Variants in PCDHGA5 observed in about 807,000 individuals in gnomAD.
PCDHGA5 encodes the protein protocadherin gamma subfamily A, 5, also known as protocadherin gamma-A5.
A neutral mutation model predicts 56.7 loss-of-function variants in PCDHGA5; 36 were observed. The observed-to-expected ratio is 0.64, with a 90% CI of 0.49 to 0.84. The LOEUF (loss-of-function observed/expected upper bound fraction) is 0.84. Among genes scored for constraint, PCDHGA5 ranks in the 40% least tolerant of loss-of-function variants. The pLI, the probability that PCDHGA5 is intolerant of heterozygous loss-of-function variation, is 0.00. For missense variants in PCDHGA5, 1,305 were observed against 1,201.5 expected, an observed-to-expected ratio of 1.09 and a Z score of -1.27; for synonymous variants, 563 against 520.2, an observed-to-expected ratio of 1.08 and a Z score of -1.12.
At chr5:141,453,071 C>G (rs561248978) in intron 1 of PCDHGA5, among the ~76,000 whole-genome samples, 13 of 152,150 alleles carry the variant, frequency 8.5e-5, no homozygotes, top group South Asian at 2.1e-4. Flanking sequence ...TTTTGCCACA[C>G]TCTGGTTGAT....
chr5:141,447,954 C>T (rs927510517), intron 1 of PCDHGA5, among the ~76,000 whole-genome samples: 11 of 151,814 alleles, frequency 7.2e-5, no homozygotes, highest in Non-Finnish European at 1.2e-4. Flanking sequence ...GGCATGGTGG[C>T]GGACACCTAT....
chr5:141,460,961 ATGTGTGTG>A (rs35821115), intron 1 of PCDHGA5, among the ~76,000 whole-genome samples: 11 of 144,552 alleles, frequency 7.6e-5, no homozygotes, highest in South Asian at 2.2e-4. Context: ...GTATATATAT[ATGTGTGTG>A]TGTGTGTGTG....
At chr5:141,405,488 C>A in intron 1 of PCDHGA5, 1 of 895,936 alleles carries the variant, frequency 1.1e-6, no homozygotes, top group Non-Finnish European at 1.7e-6. Context: ...GGTGTGATCT[C>A]GGCTCATTGC....
Position 141,511,176 on chromosome 5 carries a change from T to C in PCDHGA5, c.*3T>C, listed in dbSNP as rs375508988. On this transcript the variant is annotated 3_prime_UTR_variant, in exon 4 of 4. Transcript: ENST00000518069. ...CGGGCAAGAAGGAGAAGAAGTAACA[T>C]GGAGGCCAGGCCAAGAGCCACAGGG... 198 of 1,614,046 alleles carry C rather than the reference T, an allele frequency of 1.2e-4. 1 individual carries two copies. The highest frequency in any genetic ancestry group is 6.5e-5 in the Non-Finnish European group (77 of 1,179,964).
chr5:141,398,369 G>A (rs889057054), intron 1 of PCDHGA5: 2 of 1,428,778 alleles, frequency 1.4e-6, no homozygotes, highest in African/African-American at 2.9e-5. Context: ...AGCGCAGAGA[G>A]CGGGGAGTTG....
At chr5:141,421,081 A>G (rs775366249) in intron 1 of PCDHGA5, 61 of 637,820 alleles carry the variant, frequency 9.6e-5, no homozygotes, top group Non-Finnish European at 1.4e-4. Flanking sequence ...ATGGATACTC[A>G]CAGATCCTGA....
At position 141,432,579 on chromosome 5, in the gene PCDHGA5, G is replaced by A. The variant is rs769224543; in HGVS notation, c.2422-62228G>A. 6.2e-7 allele frequency: 1 copy of A among 1,613,860 alleles called. No homozygotes were observed. Among genetic ancestry groups the A allele is most frequent in the Non-Finnish European group, 8.5e-7 (1 of 1,179,984 alleles). On this transcript the variant is annotated intron_variant, in intron 1 of 3. Transcript: ENST00000518069. The surrounding 1 kb of genome is among the most constrained non-coding windows in gnomAD (Gnocchi z 6.0). ...GGCCAGAACGCCTGGCTGTCCTACC[G>A]TCTGCTCAAGGCCAGCGAGCCGGGA...
rs545943961 is a variant in PCDHGA5, at chr5:141,373,227, T to C, written c.2421+6476T>C. On this transcript the variant is annotated intron_variant, in intron 1 of 3. Coordinates refer to ENST00000518069, the MANE Select transcript of PCDHGA5 (RefSeq NM_018918.3). ...ACACATTTTTAATGTAACCTGTATATAATATTTTTACTTCCCTTTGCATGT... is the reference window on the plus strand; with the variant it reads ...ACACATTTTTAATGTAACCTGTATACAATATTTTTACTTCCCTTTGCATGT... 9.8e-5 allele frequency among the ~76,000 whole-genome samples: 15 copies of C among 152,350 alleles called. No homozygotes were observed. In the East Asian group the frequency reaches 2.7e-3, roughly 27 times the overall value.
intron 1 of PCDHGA5, among the ~76,000 whole-genome samples, chr5:141,465,538 A>AT (rs2099105284): frequency 6.6e-6 from 1 of 152,112 alleles, no homozygotes; most frequent in Non-Finnish European, 1.5e-5. Context: ...TTTCCCAGGC[A>AT]TTTTTTCTGC....
rs1461617825 is a variant in PCDHGA5, at chr5:141,431,902, G to A, written c.2422-62905G>A. On this transcript the variant is annotated intron_variant, in intron 1 of 3. Coordinates refer to ENST00000518069, the MANE Select transcript of PCDHGA5 (RefSeq NM_018918.3). This position sits in a 1 kb window ranked among gnomAD's most constrained non-coding sequence, Gnocchi z 4.8. ...ACCAAGATTCTGAGGAAAACGGACA[G>A]GTGATCTGTTTCATCCAAGGAAATC... 1.2e-6 allele frequency: 2 copies of A among 1,613,764 alleles called. No homozygotes were observed. The highest frequency in any genetic ancestry group is 1.3e-5 in the African/African-American group (1 of 74,918).
At position 141,393,973 on chromosome 5, in the gene PCDHGA5, G is replaced by A. The variant is rs776954838; in HGVS notation, c.2421+27222G>A. ...AATGGTCAAGTTGTCTGTTACACAC[G>A]TGATAATTTACCTTTTAAATTAGAA... On this transcript the variant is annotated intron_variant, in intron 1 of 3. Transcript: ENST00000518069. 3.1e-6 allele frequency: 5 copies of A among 1,613,784 alleles called. No individual in the cohort carries two copies. The South Asian group carries it at 5.5e-5, about 18-fold the overall frequency.
At chr5:141,419,419 C>T (rs767018815) in intron 1 of PCDHGA5, 1 of 1,613,266 alleles carries the variant, frequency 6.2e-7, no homozygotes, top group Non-Finnish European at 8.5e-7. Flanking sequence ...AGCGCGCCTT[C>T]GACCACGAGC....
chr5:141,404,736 A>G, intron 1 of PCDHGA5: 1 of 1,613,622 alleles, frequency 6.2e-7, no homozygotes, highest in Non-Finnish European at 8.5e-7. Context: ...GTGGCAGTGG[A>G]CAGAGACTCA....
At chr5:141,392,691 AC>A in intron 1 of PCDHGA5, 1 of 1,132,688 alleles carries the variant, frequency 8.8e-7, no homozygotes, top group Non-Finnish European at 1.2e-6. Context: ...GCGAAACCCG[AC>A]CCCTGTTTGG....
Position 141,374,612 on chromosome 5 carries a change from C to T in PCDHGA5, c.2421+7861C>T. The T allele has an allele frequency of 1.9e-6, 3 of 1,613,552 alleles. 1 individual carries two copies. The highest frequency in any genetic ancestry group is 1.1e-5 in the South Asian group (1 of 91,056). On this transcript the variant is annotated intron_variant, in intron 1 of 3. Transcript: ENST00000518069. ...GGGATTTAAGCTCAGTGGTAATAGT[C>T]ACTTCTCAGTGGACGTGCAAAGCGA...
intron 1 of PCDHGA5, chr5:141,371,778 G>A (rs1305768606): frequency 6.2e-7 from 1 of 1,614,002 alleles, no homozygotes; most frequent in Non-Finnish European, 8.5e-7. Context: ...CGTGCATGTA[G>A]CTGAGAACAA....
chr5:141,421,910 C>G, intron 1 of PCDHGA5: 1 of 1,613,716 alleles, frequency 6.2e-7, no homozygotes, highest in Non-Finnish European at 8.5e-7. Flanking sequence ...GGCGCAGTTC[C>G]CATTCGTGTG....
At chr5:141,452,881 T>A (rs1273440996) in intron 1 of PCDHGA5, among the ~76,000 whole-genome samples, 1 of 152,166 alleles carries the variant, frequency 6.6e-6, no homozygotes, top group African/African-American at 2.4e-5. Context: ...TTTGTAATAA[T>A]TTATTCCACT....
At chr5:141,407,898 A>G in intron 1 of PCDHGA5, 1 of 407,470 alleles carries the variant, frequency 2.5e-6, no homozygotes, top group Non-Finnish European at 4.3e-6. Context: ...CGAATTCAAA[A>G]TGAAAAACCG....
Sources: allele counts gnomAD v4.1 joint callset (sites outside exome capture counted in the v4.1 genomes callset), GRCh38; gene constraint gnomAD v4.1.1; non-coding constraint Gnocchi (gnomAD v3.1); transcripts MANE v1.5; gene names NCBI Gene and HGNC (gene_info 2026-07-23, HGNC 2026-07-21).